The following PCDH15 variants were observed in gnomAD, a reference collection of about 807,000 sequenced individuals.
PCDH15 encodes protocadherin related 15, also known as protocadherin-15.
Under a neutral mutation model 178.5 loss-of-function variants are expected in PCDH15, and 129 were observed. That is an observed-to-expected ratio of 0.72 (90% CI 0.63 to 0.84). The LOEUF (loss-of-function observed/expected upper bound fraction) is 0.84, where lower values mean the gene tolerates loss of function less well. PCDH15 is among the 40% of genes least tolerant of loss of function. The pLI, the probability that PCDH15 is intolerant of heterozygous loss-of-function variation, is 0.00. For missense variants in PCDH15, 2,230 were observed against 2,099.9 expected (o/e 1.06, Z -1.21); for synonymous variants, 800 against 732.0 (o/e 1.09, Z -1.50).
At chr10:53,908,833 G>A (rs749753699) in intron 25 of PCDH15, among the ~76,000 whole-genome samples, 1 of 152,148 alleles carries the variant, frequency 6.6e-6, no homozygotes, top group Non-Finnish European at 1.5e-5. Context: ...CTATTGCAGA[G>A]AATTTTTTAA....
At chr10:53,924,165 T>C (rs1564780574) in intron 25 of PCDH15, among the ~76,000 whole-genome samples, 1 of 152,028 alleles carries the variant, frequency 6.6e-6, no homozygotes, top group East Asian at 1.9e-4. Context: ...TCCCTCTGCT[T>C]GCGGGGAGGT....
rs66539612 is a variant in PCDH15 at position 54,686,041 on chromosome 10, A to ATTTTTTTT, written c.-28-21759_-28-21752dup. ...CAAATCCAAGGGAGCAAGACAGCCA[A>ATTTTTTTT]TTTTTTTTTTTTTTTTTTGTATTTT... is the stretch of plus-strand genomic sequence containing the variant. On this transcript the variant is annotated intron_variant, in intron 1 of 37. Transcript: ENST00000644397. Among the ~76,000 whole-genome samples, 161 of 126,868 alleles carry ATTTTTTTT rather than the reference A, an allele frequency of 1.3e-3. 8 individuals are homozygous for ATTTTTTTT. Among genetic ancestry groups the ATTTTTTTT allele is most frequent in the African/African-American group, 1.8e-3 (62 of 34,230 alleles). The allele number at this position is 126,868 out of a possible 152,430, so 83.2% of individuals were successfully genotyped here.
intron 3 of PCDH15, among the ~76,000 whole-genome samples, chr10:54,510,649 C>T (rs1306708311): frequency 1.3e-5 from 2 of 151,986 alleles, no homozygotes; most frequent in African/African-American, 4.8e-5. Context: ...GACAAAAGGA[C>T]CTGATGATCT....
intron 21 of PCDH15, among the ~76,000 whole-genome samples, chr10:53,972,772 A>C (rs1157522938): frequency 1.3e-5 from 2 of 152,208 alleles, no homozygotes; most frequent in African/African-American, 2.4e-5. Context: ...AATGGTGATC[A>C]TTAAAAAGTC....
intron 2 of PCDH15, among the ~76,000 whole-genome samples, chr10:55,604,340 A>C (rs1263928387): frequency 1.3e-5 from 2 of 148,512 alleles, no homozygotes; most frequent in Admixed American, 1.3e-4. Context: ...GATCAACGAG[A>C]CAGAAAGTCA....
intron 2 of PCDH15, among the ~76,000 whole-genome samples, chr10:55,068,062 G>C (rs1299574071): frequency 6.6e-6 from 1 of 151,838 alleles, no homozygotes; most frequent in Non-Finnish European, 1.5e-5. Flanking sequence ...TGTTAGTTTG[G>C]CTGTGCAGAA....
intron 14 of PCDH15, among the ~76,000 whole-genome samples, chr10:54,136,224 T>C: frequency 6.6e-6 from 1 of 152,118 alleles, no homozygotes; most frequent in East Asian, 1.9e-4. Context: ...TTCACAAATT[T>C]CCAAAGTTCT....
intron 27 of PCDH15, among the ~76,000 whole-genome samples, chr10:53,862,698 A>G (rs942586174): frequency 3.3e-5 from 5 of 152,160 alleles, no homozygotes; most frequent in African/African-American, 9.7e-5. Flanking sequence ...TTGAATAACC[A>G]TATTTTGTCT....
At chr10:54,613,493 T>TCACACACACA (rs1164192874) in intron 2 of PCDH15, among the ~76,000 whole-genome samples, 30 of 144,174 alleles carry the variant, frequency 2.1e-4, no homozygotes, top group African/African-American at 7.5e-4. Flanking sequence ...TGTCTCTCTC[T>TCACACACACA]CACACACACA....
intron 2 of PCDH15, among the ~76,000 whole-genome samples, chr10:54,918,686 A>G (rs922406956): frequency 6.6e-6 from 1 of 152,104 alleles, no homozygotes; most frequent in Non-Finnish European, 1.5e-5. Context: ...TTATATCCCA[A>G]TATTACTCTT....
intron 2 of PCDH15, among the ~76,000 whole-genome samples, chr10:54,963,995 GA>G (rs1454666743): frequency 3.9e-5 from 6 of 152,084 alleles, no homozygotes; most frequent in African/African-American, 1.4e-4. Context: ...TACATGTGGG[GA>G]AAAAAGAATT....
In PCDH15 at chr10:55,616,954, T is replaced by C. The variant is rs546649954; in HGVS notation, c.-156+10671A>G. Among the ~76,000 whole-genome samples, 4 of 152,170 alleles carry C rather than the reference T, an allele frequency of 2.6e-5. No homozygotes were observed. In the East Asian group the frequency reaches 5.8e-4, roughly 22 times the overall value. On this transcript the variant is annotated intron_variant, in intron 2 of 5. Transcript: ENST00000613346. ...TTACATGTATTATAATGTAACACAT[T>C]ATAATATATTAAAGACATTATTACA...
At chr10:54,420,053 C>T (rs1386254410) in intron 3 of PCDH15, among the ~76,000 whole-genome samples, 1 of 151,976 alleles carries the variant, frequency 6.6e-6, no homozygotes, top group Non-Finnish European at 1.5e-5. Flanking sequence ...AAAATCAACT[C>T]AGTTAATATG....
At chr10:55,472,045 G>A (rs927125279) in intron 2 of PCDH15, among the ~76,000 whole-genome samples, 11 of 152,154 alleles carry the variant, frequency 7.2e-5, no homozygotes, top group Admixed American at 3.3e-4. Flanking sequence ...GTTTCTCAGA[G>A]TGTTCTCAGT....
intron 2 of PCDH15, among the ~76,000 whole-genome samples, chr10:55,151,667 C>A (rs1261712798): frequency 6.6e-6 from 1 of 151,940 alleles, no homozygotes; most frequent in East Asian, 1.9e-4. Context: ...ATCACATGAC[C>A]ATGTGGTAAG....
chr10:54,833,429 G>T (rs1319830035), intron 3 of PCDH15, among the ~76,000 whole-genome samples: 1 of 152,158 alleles, frequency 6.6e-6, no homozygotes, highest in East Asian at 1.9e-4. Flanking sequence ...CCATGGCATG[G>T]ATTCAAACAG....
intron 5 of PCDH15, among the ~76,000 whole-genome samples, chr10:54,365,082 C>A (rs1391589212): frequency 1.3e-5 from 2 of 152,096 alleles, no homozygotes; most frequent in Non-Finnish European, 2.9e-5. Context: ...TTTAAGGGCT[C>A]ACACTGAGAT....
chr10:54,260,347 A>C, intron 8 of PCDH15, among the ~76,000 whole-genome samples: 1 of 151,866 alleles, frequency 6.6e-6, no homozygotes, highest in Non-Finnish European at 1.5e-5. Context: ...TTTATTTAAC[A>C]TGAGTTACCA....
intron 2 of PCDH15, among the ~76,000 whole-genome samples, chr10:55,548,715 A>G (rs1480070777): frequency 1.3e-5 from 2 of 152,164 alleles, no homozygotes; most frequent in Non-Finnish European, 2.9e-5. Context: ...TACTTTCTGC[A>G]CAGCAAAGGA....
Sources: allele counts gnomAD v4.1 joint callset (sites outside exome capture counted in the v4.1 genomes callset), GRCh38; gene constraint gnomAD v4.1.1; transcripts MANE v1.5; gene names NCBI Gene and HGNC (gene_info 2026-07-23, HGNC 2026-07-21).